The following PTPRG variants were observed in gnomAD, a reference collection of about 807,000 sequenced individuals.
PTPRG encodes the protein protein tyrosine phosphatase receptor type G.
A neutral mutation model predicts 165.3 loss-of-function variants in PTPRG; 102 were observed. The ratio of observed to expected loss-of-function variants is 0.62; its 90% CI spans 0.53 to 0.73. The LOEUF is 0.73. PTPRG is among the 30% of genes least tolerant of loss of function. The pLI, the probability that PTPRG is intolerant of heterozygous loss-of-function variation, is 0.00. For missense variants in PTPRG, 1,866 were observed against 1,861.4 expected (o/e 1.00, Z -0.05); for synonymous variants, 675 against 669.5 (o/e 1.01, Z -0.13).
rs1008017291 is a variant in PTPRG, at chr3:62,145,188, C to T, written c.683-11879C>T. ...AAATCCAGTTCTGCCTTTGACTAGT[C>T]GTACAACCTGAACAAACCACTTCAC... On this transcript the variant is annotated intron_variant, in intron 6 of 29. Transcript: ENST00000474889. Among the ~76,000 whole-genome samples the T allele has an allele frequency of 6.6e-5, 10 of 152,142 alleles. 1 individual carries two copies. The highest frequency in any genetic ancestry group is 5.9e-4 in the Admixed American group (9 of 15,274).
intron 2 of PTPRG, among the ~76,000 whole-genome samples, chr3:61,926,272 G>T (rs889030189): frequency 5.9e-5 from 9 of 152,098 alleles, no homozygotes; most frequent in African/African-American, 2.2e-4. Flanking sequence ...CCTGGTGAGA[G>T]GTGATTGGTT....
At chr3:61,671,640 C>T (rs1031469707) in intron 1 of PTPRG, among the ~76,000 whole-genome samples, 44 of 149,426 alleles carry the variant, frequency 2.9e-4, no homozygotes, top group Non-Finnish European at 5.2e-4. Context: ...GGCCCGTTCT[C>T]AATGAGCTGT....
chr3:61,994,923 T>G lies in PTPRG; in HGVS notation c.370+5119T>G, dbSNP rs186581176. Among the ~76,000 whole-genome samples the G allele has an allele frequency of 8.8e-3, 1,347 of 152,224 alleles. 17 individuals carry two copies. Among genetic ancestry groups the G allele is most frequent in the South Asian group, 0.017 (84 of 4,808 alleles). ...AGTTGAAAGATACTCTTTGCCCTGT[T>G]GACTGCTGCCTCTCTGCAGCCCTGA... On this transcript the variant is annotated intron_variant, in intron 3 of 29. Coordinates refer to ENST00000474889, the MANE Select transcript of PTPRG (RefSeq NM_002841.4).
intron 5 of PTPRG, among the ~76,000 whole-genome samples, chr3:62,088,325 T>A (rs780849623): frequency 5.3e-5 from 8 of 152,168 alleles, no homozygotes; most frequent in Non-Finnish European, 1.2e-4. Flanking sequence ...ATCAACTAGC[T>A]AAGTGACTGA....
intron 6 of PTPRG, among the ~76,000 whole-genome samples, chr3:62,145,533 TGATGAA>T (rs1428634347): frequency 4.0e-5 from 6 of 148,668 alleles, no homozygotes; most frequent in African/African-American, 1.3e-4. Context: ...TAAAATGAAA[TGATGAA>T]GATGATGATG....
intron 2 of PTPRG, among the ~76,000 whole-genome samples, chr3:61,898,396 C>T (rs2038416363): frequency 1.3e-5 from 2 of 152,152 alleles, no homozygotes; most frequent in Admixed American, 6.5e-5. Flanking sequence ...GCTCCGGCCT[C>T]ATTGTTTGCC....
intron 1 of PTPRG, among the ~76,000 whole-genome samples, chr3:61,686,327 A>T (rs898693017): frequency 1.3e-5 from 2 of 152,208 alleles, no homozygotes; most frequent in African/African-American, 2.4e-5. Flanking sequence ...AATTTGGCCC[A>T]TACTAGCCCT....
chr3:61,662,675 G>A (rs1342976466), intron 1 of PTPRG, among the ~76,000 whole-genome samples: 1 of 152,208 alleles, frequency 6.6e-6, no homozygotes, highest in Non-Finnish European at 1.5e-5. Context: ...GAAGATGATG[G>A]TCCTTGGCAT....
At chr3:61,629,708 C>T (rs961800189) in intron 1 of PTPRG, among the ~76,000 whole-genome samples, 2 of 152,102 alleles carry the variant, frequency 1.3e-5, no homozygotes, top group African/African-American at 2.4e-5. Flanking sequence ...ATTGCTTTTG[C>T]GGTCTCAGGT....
At position 62,001,439 on chromosome 3, in the gene PTPRG, G is replaced by C. The variant is rs551023527; in HGVS notation, c.371-1910G>C. ...GATGCAATCAAAACGTTTTGCCTTC[G>C]TCCTGTGGATGCAAAATGTTATGTA... On this transcript the variant is annotated intron_variant, in intron 3 of 29. Coordinates refer to ENST00000474889, the MANE Select transcript of PTPRG (RefSeq NM_002841.4). 2.0e-5 allele frequency among the ~76,000 whole-genome samples: 3 copies of C among 152,062 alleles called. No individual in the cohort carries two copies. In the South Asian group the frequency reaches 6.2e-4, roughly 32 times the overall value.
intron 2 of PTPRG, among the ~76,000 whole-genome samples, chr3:61,979,919 T>C (rs1388800825): frequency 1.3e-5 from 2 of 152,106 alleles, no homozygotes; most frequent in Non-Finnish European, 2.9e-5. Context: ...CTTGTAAAAC[T>C]GCTTTTAATT....
chr3:61,936,747 T>G (rs1184446794), intron 2 of PTPRG, among the ~76,000 whole-genome samples: 1 of 152,166 alleles, frequency 6.6e-6, no homozygotes, highest in Admixed American at 6.5e-5. Context: ...TCCTTACGTT[T>G]TGGATGTGGA....
At chr3:61,874,322 AC>A (rs1575742386) in intron 2 of PTPRG, among the ~76,000 whole-genome samples, 1 of 152,342 alleles carries the variant, frequency 6.6e-6, no homozygotes, top group African/African-American at 2.4e-5. Flanking sequence ...ACCACGTCTT[AC>A]CAAATATGTT....
chr3:61,842,683 G>T (rs1205218885), intron 2 of PTPRG, among the ~76,000 whole-genome samples: 5 of 64,756 alleles, frequency 7.7e-5, no homozygotes, highest in African/African-American at 2.6e-4. Context: ...TGTATGTGTG[G>T]CAAAAAAAAA....
intron 5 of PTPRG, among the ~76,000 whole-genome samples, chr3:62,117,676 C>T (rs536317027): frequency 2.6e-5 from 4 of 152,264 alleles, no homozygotes; most frequent in African/African-American, 9.6e-5. Flanking sequence ...TCAAACAAAA[C>T]AAAACTTGTA....
chr3:61,986,312 C>G (rs1482277938), intron 2 of PTPRG, among the ~76,000 whole-genome samples: 1 of 152,128 alleles, frequency 6.6e-6, no homozygotes, highest in African/African-American at 2.4e-5. Context: ...AACCAGTTCT[C>G]AGAGTTTACC....
intron 2 of PTPRG, among the ~76,000 whole-genome samples, chr3:61,895,171 G>A (rs1416094640): frequency 2.0e-5 from 3 of 152,058 alleles, no homozygotes; most frequent in East Asian, 1.9e-4. Flanking sequence ...AAACTCATGC[G>A]TATGAGTCAC....
At chr3:61,607,838 G>C (rs971989147) in intron 1 of PTPRG, among the ~76,000 whole-genome samples, 1 of 152,104 alleles carries the variant, frequency 6.6e-6, no homozygotes, top group Non-Finnish European at 1.5e-5. Context: ...GAGCCACAGC[G>C]AGGGGCTGGA....
chr3:62,257,917 C>G (rs997689742), intron 16 of PTPRG, among the ~76,000 whole-genome samples: 4 of 152,032 alleles, frequency 2.6e-5, no homozygotes, highest in African/African-American at 4.8e-5. Flanking sequence ...TGACCTATGA[C>G]CGTACCACTG....
Sources: gnomAD v4.1 joint callset for allele counts (sites outside exome capture counted in the v4.1 genomes callset) on GRCh38, gnomAD v4.1.1 for gene constraint, MANE v1.5 for transcripts, NCBI Gene and HGNC (gene_info 2026-07-23, HGNC 2026-07-21) for gene names.